Variants in DCC observed in about 807,000 individuals in gnomAD.
The protein encoded by DCC is netrin receptor DCC.
DCC carries 58 observed loss-of-function variants against 172.5 expected under a neutral mutation model. The observed-to-expected ratio is 0.34, with a 90% CI of 0.27 to 0.42. The LOEUF (loss-of-function observed/expected upper bound fraction) is 0.42, where lower values mean the gene tolerates loss of function less well. DCC is among the 10% of genes least tolerant of loss of function. DCC has a pLI of 1.00. For missense variants in DCC, 1,740 were observed against 1,791.0 expected, an observed-to-expected ratio of 0.97 and a Z score of 0.51; for synonymous variants, 709 against 644.5, an observed-to-expected ratio of 1.10 and a Z score of -1.52.
chr18:52,658,823 T>A (rs1009403042), intron 1 of DCC, among the ~76,000 whole-genome samples: 7 of 152,192 alleles, frequency 4.6e-5, no homozygotes, highest in Non-Finnish European at 8.8e-5. Flanking sequence ...TCAGATTATA[T>A]TTCTGTTGAT....
chr18:53,338,061 G>A (rs915454402), intron 14 of DCC, among the ~76,000 whole-genome samples: 14 of 152,128 alleles, frequency 9.2e-5, no homozygotes, highest in African/African-American at 3.1e-4. Flanking sequence ...GTTTGGATGG[G>A]CACATTCTTT....
At chr18:53,418,510 C>CACTATT (rs1910452256) in intron 21 of DCC, among the ~76,000 whole-genome samples, 1 of 152,112 alleles carries the variant, frequency 6.6e-6, no homozygotes, top group Non-Finnish European at 1.5e-5. Context: ...GAAATGATCC[C>CACTATT]ACTATTACAT....
intron 2 of DCC, among the ~76,000 whole-genome samples, chr18:52,836,609 C>G (rs1203034802): frequency 2.6e-5 from 4 of 152,234 alleles, no homozygotes; most frequent in Non-Finnish European, 5.9e-5. Context: ...CTCCATGTCT[C>G]ACGTGCAGGT....
chr18:52,641,164 T>C (rs569648187), intron 1 of DCC, among the ~76,000 whole-genome samples: 1 of 152,140 alleles, frequency 6.6e-6, no homozygotes, highest in Non-Finnish European at 1.5e-5. Flanking sequence ...GCTAGCCACA[T>C]GTAGGAGAAT....
At chr18:52,785,996 T>G (rs186104481) in intron 2 of DCC, among the ~76,000 whole-genome samples, 3 of 152,232 alleles carry the variant, frequency 2.0e-5, no homozygotes, top group Admixed American at 6.5e-5. Context: ...ACTACAGCAA[T>G]GGAAACTCTG....
chr18:53,071,030 G>A (rs561345350), intron 7 of DCC, among the ~76,000 whole-genome samples: 7 of 152,282 alleles, frequency 4.6e-5, no homozygotes, highest in South Asian at 2.1e-4. Flanking sequence ...CATTGTGGGC[G>A]TGCATTACCC....
chr18:52,835,103 G>A (rs142959089), intron 2 of DCC, among the ~76,000 whole-genome samples: 46 of 152,076 alleles, frequency 3.0e-4, no homozygotes, highest in Non-Finnish European at 1.2e-4. Flanking sequence ...TGATATACAC[G>A]ATTGAATTTA....
chr18:52,975,866 A>G (rs1398954085), intron 5 of DCC, among the ~76,000 whole-genome samples: 1 of 152,178 alleles, frequency 6.6e-6, no homozygotes, highest in Non-Finnish European at 1.5e-5. Context: ...TTCTTTGGGT[A>G]TATACGCAGT....
At chr18:52,474,424 T>C (rs769115903) in intron 1 of DCC, among the ~76,000 whole-genome samples, 1 of 152,166 alleles carries the variant, frequency 6.6e-6, no homozygotes, top group Non-Finnish European at 1.5e-5. Flanking sequence ...ATGCTTACCC[T>C]CTGCCTTCTC....
intron 18 of DCC, among the ~76,000 whole-genome samples, chr18:53,402,558 T>C (rs770723621): frequency 6.6e-6 from 1 of 152,164 alleles, no homozygotes; most frequent in Non-Finnish European, 1.5e-5. Flanking sequence ...ACATACTCTC[T>C]TCTGTTCTCT....
At chr18:52,581,756 T>C (rs917935946) in intron 1 of DCC, among the ~76,000 whole-genome samples, 7 of 152,192 alleles carry the variant, frequency 4.6e-5, no homozygotes, top group Admixed American at 4.6e-4. Flanking sequence ...AGGCTAGTGA[T>C]TCTGAGTTAA....
At chr18:52,534,824 T>A (rs972307918) in intron 1 of DCC, among the ~76,000 whole-genome samples, 2 of 152,204 alleles carry the variant, frequency 1.3e-5, no homozygotes, top group Non-Finnish European at 2.9e-5. Context: ...TCTACTTAGC[T>A]TGTCAAATGC....
chr18:52,913,187 G>T (rs1403192661), intron 3 of DCC, among the ~76,000 whole-genome samples: 1 of 152,004 alleles, frequency 6.6e-6, no homozygotes, highest in Admixed American at 6.6e-5. Context: ...AGTTATAGTA[G>T]GTCAGGTCAT....
intron 7 of DCC, among the ~76,000 whole-genome samples, chr18:53,074,824 T>A (rs933464589): frequency 5.3e-5 from 8 of 152,122 alleles, no homozygotes; most frequent in Admixed American, 2.6e-4. Context: ...GATTTAAAAA[T>A]GTATTGGAAT....
chr18:52,757,057 A>G (rs1191159408), intron 2 of DCC: 1 of 152,234 alleles, frequency 6.6e-6, no homozygotes, highest in Non-Finnish European at 1.5e-5. Context: ...CAAACTGGCA[A>G]GCCTGAATTA....
At chr18:53,344,591 G>C (rs911049529) in intron 15 of DCC, among the ~76,000 whole-genome samples, 26 of 151,200 alleles carry the variant, frequency 1.7e-4, no homozygotes, top group African/African-American at 5.8e-4. Context: ...ACAAGCGTGC[G>C]CCATCGTGCC....
At chr18:53,180,668 C>CT (rs1390491981) in intron 9 of DCC, among the ~76,000 whole-genome samples, 1 of 152,108 alleles carries the variant, frequency 6.6e-6, no homozygotes, top group Non-Finnish European at 1.5e-5. Flanking sequence ...TTTCAATCTT[C>CT]TTTTTTTATT....
chr18:52,974,738 A>T (rs1440281854), intron 5 of DCC, among the ~76,000 whole-genome samples: 1 of 152,198 alleles, frequency 6.6e-6, no homozygotes, highest in Non-Finnish European at 1.5e-5. Context: ...TTTTCATTTT[A>T]AAACAAAACC....
At chr18:52,380,530 T>G (rs911514266) in intron 1 of DCC, among the ~76,000 whole-genome samples, 1 of 152,060 alleles carries the variant, frequency 6.6e-6, no homozygotes, top group African/African-American at 2.4e-5. Flanking sequence ...TTCCCCACTT[T>G]CGAAACATCA....
Sources: allele counts gnomAD v4.1 joint callset (sites outside exome capture counted in the v4.1 genomes callset), GRCh38; gene constraint gnomAD v4.1.1; transcripts MANE v1.5; gene names NCBI Gene and HGNC (gene_info 2026-07-23, HGNC 2026-07-21).